Variants in STX16 observed in about 807,000 individuals in gnomAD.
STX16 encodes the protein syntaxin-16.
Under a neutral mutation model 42.7 loss-of-function variants are expected in STX16, and 28 were observed. The ratio of observed to expected loss-of-function variants is 0.66; its 90% confidence interval spans 0.49 to 0.90. The LOEUF (loss-of-function observed/expected upper bound fraction) is 0.90, where lower values mean the gene tolerates loss of function less well. Ranked by LOEUF, STX16 falls within the 40% of genes least tolerant of loss-of-function variation. The probability of loss-of-function intolerance (pLI) is 0.00; values close to 1 mark genes in which losing one functional copy is unlikely to be tolerated. For synonymous variants in STX16, 156 were observed against 155.2 expected, an observed-to-expected ratio of 1.00 and a Z score of -0.04; for missense variants, 361 against 420.9, an observed-to-expected ratio of 0.86 and a Z score of 1.24.
chr20:58,671,182 T>G lies in STX16; in HGVS notation c.677T>G (p.Val226Gly). 6.2e-7 allele frequency: 1 copy of G among 1,614,022 alleles called. No homozygotes were observed. Among genetic ancestry groups the G allele is most frequent in the Non-Finnish European group, 8.5e-7 (1 of 1,179,924 alleles). Residue 226 changes from valine to glycine, a missense_variant, in exon 7 of 9, where the codon GTG becomes GGG. Coordinates refer to ENST00000371141, the MANE Select transcript of STX16 (RefSeq NM_001001433.3). The stretch of plus-strand genomic sequence containing the variant: ...TTTACAGAGGACCAGTTAGTTCTGG[T>G]GGAGCAGAACACACTGATGGTGGAA... ...RGFTEDQLVL[V>G]EQNTLMVEER...
intron 4 of STX16, 95 bp downstream of exon 4, chr20:58,668,222 A>G (rs2083883742): frequency 6.7e-7 from 1 of 1,491,290 alleles, no homozygotes; most frequent in Non-Finnish European, 9.0e-7. Flanking sequence ...TCCTGGAGTC[A>G]TTTCCCAACC....
At chr20:58,661,555 T>G (rs2083699860) in intron 2 of STX16, among the ~76,000 whole-genome samples, 1 of 152,258 alleles carries the variant, frequency 6.6e-6, no homozygotes, top group Non-Finnish European at 1.5e-5. Flanking sequence ...CTTGCCTCTT[T>G]TGCTCTTTTG....
At chr20:58,656,638 A>G (rs2083592938) in intron 1 of STX16, among the ~76,000 whole-genome samples, 1 of 152,248 alleles carries the variant, frequency 6.6e-6, no homozygotes, top group Non-Finnish European at 1.5e-5. Flanking sequence ...CTGCTTTAAA[A>G]TAATGCATAA....
intron 3 of STX16, 57 bp downstream of exon 3, chr20:58,667,654 A>G (rs774067095): frequency 2.8e-6 from 4 of 1,444,386 alleles, no homozygotes; most frequent in Non-Finnish European, 3.9e-6. Flanking sequence ...ATGACAATGT[A>G]TTTTAAGATA....
chr20:58,673,599 T>C (rs1471867857), intron 7 of STX16, 32 bp from the exon 8 acceptor site: 1 of 1,472,838 alleles, frequency 6.8e-7, no homozygotes, highest in Admixed American at 1.7e-5. Context: ...GTTGCTATTG[T>C]TGATTGTCTG....
chr20:58,665,209 T>A (rs1234678419), intron 2 of STX16, among the ~76,000 whole-genome samples: 2 of 152,204 alleles, frequency 1.3e-5, no homozygotes, highest in African/African-American at 2.4e-5. Flanking sequence ...CTGTAGAGGG[T>A]GAGGTCTGCG....
intron 8 of STX16, among the ~76,000 whole-genome samples, chr20:58,674,439 A>G (rs2084055018): frequency 6.6e-6 from 1 of 152,214 alleles, no homozygotes; most frequent in African/African-American, 2.4e-5. Flanking sequence ...ATTAAATAAT[A>G]TCCATTTCCT....
chr20:58,668,193 G>A (rs2083883106), intron 4 of STX16, 66 bp downstream of exon 4: 10 of 1,583,124 alleles, frequency 6.3e-6, no homozygotes, highest in Non-Finnish European at 8.6e-7. Context: ...AGAAACTAGA[G>A]TGTTACTCAG....
chr20:58,659,560 A>G (rs529290543), intron 1 of STX16, 63 bp from the exon 2 acceptor site: 25 of 1,578,986 alleles, frequency 1.6e-5, no homozygotes, highest in Middle Eastern at 3.4e-4. Flanking sequence ...TGTCTGTCCC[A>G]TGCTGCTTTC....
rs1316863674 is a variant in STX16 at position 58,657,282 on chromosome 20, A to G, written c.133-2341A>G. On this transcript the variant is annotated intron_variant, in intron 1 of 8. Coordinates refer to ENST00000371141, the MANE Select transcript of STX16 (RefSeq NM_001001433.3). The surrounding 1 kb of genome is among the most constrained non-coding windows in gnomAD (Gnocchi z 4.2). ...TTTAGAATCCAAGTATGAAATCATT[A>G]TATATTTCTCTTTAGATCTACTTGC... is the stretch of plus-strand genomic sequence containing the variant. Among the ~76,000 whole-genome samples the G allele has an allele frequency of 6.6e-6, 1 of 152,200 alleles. No individual in the cohort carries two copies. The highest frequency in any genetic ancestry group is 1.5e-5 in the Non-Finnish European group (1 of 68,044).
chr20:58,661,307 C>T (rs1285891685), intron 2 of STX16, among the ~76,000 whole-genome samples: 1 of 152,232 alleles, frequency 6.6e-6, no homozygotes, highest in African/African-American at 2.4e-5. Flanking sequence ...GTCTTTCCTA[C>T]TTCCTTTTTC....
At chr20:58,668,502 A>G (rs909618591) in intron 4 of STX16, among the ~76,000 whole-genome samples, 1 of 152,178 alleles carries the variant, frequency 6.6e-6, no homozygotes, top group Non-Finnish European at 1.5e-5. Context: ...CCTAGAAAAA[A>G]TTTTTTATAA....
chr20:58,674,740 A>G (rs1396275794), intron 8 of STX16, among the ~76,000 whole-genome samples: 3 of 152,142 alleles, frequency 2.0e-5, no homozygotes, highest in African/African-American at 2.4e-5. Context: ...AAGCATTTAG[A>G]TTAATTTGGT....
chr20:58,659,548 T>G, intron 1 of STX16, 75 bp from the exon 2 acceptor site: 1 of 1,507,236 alleles, frequency 6.6e-7, no homozygotes. Flanking sequence ...GCCTTGTCTG[T>G]CTGTCTGTCC....
At chr20:58,653,225 C>T (rs532732173) in intron 1 of STX16, among the ~76,000 whole-genome samples, 1 of 152,334 alleles carries the variant, frequency 6.6e-6, no homozygotes, top group Non-Finnish European at 1.5e-5. Flanking sequence ...TTGGAACATT[C>T]ATTTCACCTC....
intron 2 of STX16, among the ~76,000 whole-genome samples, chr20:58,660,192 A>G (rs1041993765): frequency 3.3e-5 from 5 of 152,212 alleles, no homozygotes; most frequent in African/African-American, 1.2e-4. Context: ...AGCTACTAGC[A>G]TCTTGCCCAG....
intron 3 of STX16, 140 bp downstream of exon 3, chr20:58,667,737 T>A: frequency 1.1e-6 from 1 of 879,504 alleles, no homozygotes; most frequent in East Asian, 2.6e-5. Flanking sequence ...GGTTAAGTTG[T>A]CTATGTGTGT....
rs572553281 is a variant in STX16, at chr20:58,675,319, C to T, written c.874-868C>T. On this transcript the variant is annotated intron_variant, in intron 8 of 8. Transcript: ENST00000371141. The stretch of plus-strand genomic sequence containing the variant: ...GCTGCCTTCCCGCTGTCTCCTCCTC[C>T]CTCCTGTGCCATAGCAAGGTCTGGA... 1.9e-4 allele frequency among the ~76,000 whole-genome samples: 29 copies of T among 152,370 alleles called. No homozygotes were observed. In the East Asian group the frequency reaches 5.6e-3, roughly 29 times the overall value.
chr20:58,660,938 T>TA (rs1454517893), intron 2 of STX16, among the ~76,000 whole-genome samples: 136 of 142,368 alleles, frequency 9.6e-4, no homozygotes, highest in Middle Eastern at 3.7e-3. Flanking sequence ...AACAATTAGT[T>TA]AAAAAAAAAA....
Sources: gnomAD v4.1 joint callset for allele counts (sites outside exome capture counted in the v4.1 genomes callset) on GRCh38, gnomAD v4.1.1 for gene constraint, Gnocchi (gnomAD v3.1) non-coding constraint, MANE v1.5 for transcripts, NCBI Gene and HGNC (gene_info 2026-07-23, HGNC 2026-07-21) for gene names.